FHIT: variants seen among roughly 807,000 people sequenced by gnomAD.
FHIT encodes the protein bis(5'-adenosyl)-triphosphatase.
FHIT carries 19 observed loss-of-function variants against 17.9 expected under a neutral mutation model. That is an observed-to-expected ratio of 1.06 (90% CI 0.74 to 1.56). The LOEUF is 1.56. FHIT is among the 40% of genes most tolerant of loss of function. FHIT has a pLI of 0.00. For synonymous variants in FHIT, 81 were observed against 69.7 expected, an observed-to-expected ratio of 1.16 and a Z score of -0.81; for missense variants, 248 against 189.2, an observed-to-expected ratio of 1.31 and a Z score of -1.82.
At chr3:60,233,368 G>A (rs1704600932) in intron 5 of FHIT, among the ~76,000 whole-genome samples, 1 of 151,994 alleles carries the variant, frequency 6.6e-6, no homozygotes, top group Non-Finnish European at 1.5e-5. Context: ...GCCACCATAG[G>A]ACCTTCAGAC....
At chr3:61,068,675 T>G (rs1437176147) in intron 2 of FHIT, among the ~76,000 whole-genome samples, 1 of 148,464 alleles carries the variant, frequency 6.7e-6, no homozygotes, top group Non-Finnish European at 1.5e-5. Context: ...GGGCGCATGA[T>G]TCTACCTACC....
At chr3:61,130,151 T>C (rs2036722580) in intron 2 of FHIT, among the ~76,000 whole-genome samples, 1 of 151,478 alleles carries the variant, frequency 6.6e-6, no homozygotes, top group Non-Finnish European at 1.5e-5. Flanking sequence ...TAAAATATAG[T>C]ACAAGAAGTA....
At chr3:60,469,398 GCTCA>G (rs1411761078) in intron 5 of FHIT, among the ~76,000 whole-genome samples, 1 of 152,034 alleles carries the variant, frequency 6.6e-6, no homozygotes, top group Non-Finnish European at 1.5e-5. Flanking sequence ...TTGTCTTCAA[GCTCA>G]CTAATTCTTT....
chr3:61,158,220 CA>C (rs1366994733), intron 2 of FHIT, among the ~76,000 whole-genome samples: 1 of 152,152 alleles, frequency 6.6e-6, no homozygotes, highest in Non-Finnish European at 1.5e-5. Flanking sequence ...CTACAATAAA[CA>C]AGACTTTTTA....
intron 2 of FHIT, among the ~76,000 whole-genome samples, chr3:61,046,834 C>A (rs1263913826): frequency 6.6e-6 from 1 of 152,094 alleles, no homozygotes; most frequent in African/African-American, 2.4e-5. Context: ...AAGGATGGTT[C>A]AACATATGCA....
intron 7 of FHIT, among the ~76,000 whole-genome samples, chr3:59,994,253 G>A (rs896690816): frequency 5.9e-5 from 9 of 152,068 alleles, no homozygotes; most frequent in African/African-American, 2.2e-4. Context: ...GTAAAGTACT[G>A]TTACCATCAA....
intron 5 of FHIT, among the ~76,000 whole-genome samples, chr3:60,385,900 C>A (rs1047321119): frequency 5.3e-5 from 8 of 152,158 alleles, no homozygotes; most frequent in Admixed American, 5.2e-4. Flanking sequence ...TAGAGTATTA[C>A]TCTAAGAGAT....
intron 5 of FHIT, among the ~76,000 whole-genome samples, chr3:60,143,947 G>A (rs1260468151): frequency 6.6e-6 from 1 of 152,142 alleles, no homozygotes; most frequent in Non-Finnish European, 1.5e-5. Flanking sequence ...CAAGCAGTAG[G>A]TCATACCTTA....
At position 60,485,779 on chromosome 3, in the gene FHIT, T is replaced by A. The variant is rs868426763; in HGVS notation, c.103+51081A>T. Among the ~76,000 whole-genome samples, 13 of 152,038 alleles carry A rather than the reference T, an allele frequency of 8.6e-5. No individual in the cohort carries two copies. In the Middle Eastern group the frequency reaches 0.01, roughly 119 times the overall value. ...GTGTATCCTGGAATCTAAAGTAAAA[T>A]TTTTTTTAAATAAAGAAATGGACAA... is the stretch of plus-strand genomic sequence containing the variant. On this transcript the variant is annotated intron_variant, in intron 5 of 9. Coordinates refer to ENST00000492590, the MANE Select transcript of FHIT (RefSeq NM_002012.4).
intron 8 of FHIT, among the ~76,000 whole-genome samples, chr3:59,855,351 C>G (rs1702109043): frequency 6.6e-6 from 1 of 152,272 alleles, no homozygotes; most frequent in South Asian, 2.1e-4. Context: ...TCATTATGTT[C>G]CTGAGTGCCA....
intron 5 of FHIT, among the ~76,000 whole-genome samples, chr3:60,229,576 A>G (rs1704391156): frequency 6.6e-6 from 1 of 152,218 alleles, no homozygotes. Context: ...TTTTTACCAT[A>G]TAATTCAGAA....
At chr3:60,209,984 A>T (rs1703374783) in intron 5 of FHIT, among the ~76,000 whole-genome samples, 1 of 152,148 alleles carries the variant, frequency 6.6e-6, no homozygotes, top group Admixed American at 6.6e-5. Context: ...CAATAGGTGC[A>T]GCAAACCACC....
intron 5 of FHIT, among the ~76,000 whole-genome samples, chr3:60,386,269 A>C (rs1372651714): frequency 3.3e-5 from 5 of 152,076 alleles, no homozygotes; most frequent in Admixed American, 2.6e-4. Flanking sequence ...GAGGGTCTTA[A>C]GCCAGAGATC....
At chr3:61,200,741 T>C (rs746600223) in intron 1 of FHIT, 76 bp from the exon 2 acceptor site, 2 of 152,596 alleles carry the variant, frequency 1.3e-5, no homozygotes, top group East Asian at 1.9e-4. Context: ...TGTCTCTAAA[T>C]AGAATTTCCA....
intron 8 of FHIT, among the ~76,000 whole-genome samples, chr3:59,898,161 ACT>A (rs923421835): frequency 3.3e-5 from 5 of 151,810 alleles, no homozygotes; most frequent in South Asian, 2.1e-4. Flanking sequence ...TGCAGTTAAA[ACT>A]CTGTTTCATG....
chr3:59,990,036 T>C (rs993363647), intron 7 of FHIT, among the ~76,000 whole-genome samples: 3 of 152,114 alleles, frequency 2.0e-5, no homozygotes, highest in African/African-American at 4.8e-5. Flanking sequence ...TGGGAAGTAA[T>C]AGGAGACCTC....
At chr3:61,155,155 G>T (rs950919025) in intron 2 of FHIT, among the ~76,000 whole-genome samples, 1 of 152,178 alleles carries the variant, frequency 6.6e-6, no homozygotes, top group African/African-American at 2.4e-5. Flanking sequence ...ACTTGGAGCA[G>T]CTGGTTTCTT....
chr3:59,887,182 A>T (rs17061337), intron 8 of FHIT, among the ~76,000 whole-genome samples: 2,402 of 152,322 alleles, frequency 0.016, 63 homozygotes, highest in African/African-American at 0.055. Flanking sequence ...TTTTGACTTT[A>T]TCAAGTGACA....
At chr3:60,354,422 C>CA (rs1048543583) in intron 5 of FHIT, among the ~76,000 whole-genome samples, 2 of 152,042 alleles carry the variant, frequency 1.3e-5, no homozygotes, top group Non-Finnish European at 1.5e-5. Context: ...AAAACAGACT[C>CA]AGTTTAGTAT....
Sources: allele counts gnomAD v4.1 joint callset (sites outside exome capture counted in the v4.1 genomes callset), GRCh38; gene constraint gnomAD v4.1.1; transcripts MANE v1.5; gene names NCBI Gene and HGNC (gene_info 2026-07-23, HGNC 2026-07-21).